Variants in CDKN1C observed in about 807,000 individuals in gnomAD.
CDKN1C encodes cyclin-dependent kinase inhibitor 1C.
A neutral mutation model predicts 16.5 loss-of-function variants in CDKN1C; 7 were observed. That is an observed-to-expected ratio of 0.42 (90% CI 0.24 to 0.80). The LOEUF is 0.80. Among genes scored for constraint, CDKN1C ranks in the 30% least tolerant of loss-of-function variants. The pLI is 0.26. For synonymous variants in CDKN1C, 288 were observed against 214.4 expected, an observed-to-expected ratio of 1.34 and a Z score of -3.00; for missense variants, 429 against 437.3, an observed-to-expected ratio of 0.98 and a Z score of 0.17.
At position 2,885,070 on chromosome 11, in the gene CDKN1C, C is replaced by A; in HGVS notation, c.387G>T (p.Pro129=). ...EEAPEQLPSV[P]VPAPASTPPP... is the part of the protein sequence containing the mutation. ...GCGGGGTGGACGCCGGGGCCGGGAC[C>A]GGGACACTAGGCAGCTGCTCCGGCG... is the stretch of plus-strand genomic sequence containing the variant. Residue 129 remains proline (P), a synonymous_variant, in exon 2 of 4, where the codon CCG becomes CCT. Coordinates refer to ENST00000440480, the MANE Select transcript of CDKN1C (RefSeq NM_001122630.2). 1.5e-6 allele frequency: 2 copies of A among 1,375,856 alleles called. No homozygotes were observed. The highest frequency in any genetic ancestry group is 1.9e-6 in the Non-Finnish European group (2 of 1,074,312). The allele number at this position is 1,375,856 out of a possible 1,614,324, so 85.2% of individuals were successfully genotyped here. A position where few individuals can be genotyped will look rare whatever the true frequency, so the allele number is the denominator to read the frequency against.
Position 2,883,513 on chromosome 11 carries a change from G to C in CDKN1C, c.*408C>G, listed in dbSNP as rs1282386836. On this transcript the variant is annotated 3_prime_UTR_variant, in exon 4 of 4. Transcript: ENST00000440480. ...TTTGGCATAACCAATAACCGAGCTA[G>C]TGCGTGGCAGAGCGGTCCACGCCTG... 3 of 252,828 alleles carry C rather than the reference G, an allele frequency of 1.2e-5. No homozygotes were observed. The highest frequency in any genetic ancestry group is 2.2e-5 in the Non-Finnish European group (3 of 134,400). 15.7% of individuals were successfully genotyped at this position (252,828 alleles called of 1,614,324 possible).
chr11:2,885,574 C>T lies in CDKN1C; in HGVS notation c.-11+60G>A, dbSNP rs143992355. 0.038 allele frequency: 56,264 copies of T among 1,499,538 alleles called. 1,287 individuals carry two copies. Among genetic ancestry groups the T allele is most frequent in the Middle Eastern group, 0.052 (245 of 4,706 alleles). The allele number at this position is 1,499,538 out of a possible 1,614,324, so 92.9% of individuals were successfully genotyped here. A position where few individuals can be genotyped will look rare whatever the true frequency, so the allele number is the denominator to read the frequency against. ...AAGGAGAGGAGGAGAGGGCGGAGGC[C>T]GGGCGCAAGGGAGACCCCGCGCCGC... On this transcript the variant is annotated intron_variant, in intron 1 of 3. Coordinates refer to ENST00000440480, the MANE Select transcript of CDKN1C (RefSeq NM_001122630.2).
In CDKN1C at chr11:2,885,156, C is replaced by G. The variant is rs1378798027; in HGVS notation, c.301G>C (p.Ala101Pro). 2 of 1,523,296 alleles carry G rather than the reference C, an allele frequency of 1.3e-6. No homozygotes were observed. The highest frequency in any genetic ancestry group is 1.4e-5 in the African/African-American group (1 of 71,294). The allele number at this position is 1,523,296 out of a possible 1,614,324, so 94.4% of individuals were successfully genotyped here. A position where few individuals can be genotyped will look rare whatever the true frequency, so the allele number is the denominator to read the frequency against. ...LLLAPRPVAV[A>P]VAVSPPLEPA... is the part of the protein sequence containing the mutation. ...TCGAGGGGCGGGCTGACAGCCACCG[C>G]GACCGCGACGGGCCGCGGCGCCAGC... is the stretch of plus-strand genomic sequence containing the variant. The change falls in exon 2 of 4, where the codon GCG (alanine) becomes CCG (proline). Residue 101 changes from alanine (A) to proline (P), a missense_variant. Transcript: ENST00000440480.
At position 2,884,078 on chromosome 11, in the gene CDKN1C, C is replaced by A; in HGVS notation, c.844G>T (p.Ala282Ser). ...GCGGCGCTTGGAGAGGGACACGGCG[C>A]GGGGACATCGCCCGACGACTTCTCA... is the stretch of plus-strand genomic sequence containing the variant. The part of the protein sequence containing the change: ...APEKSSGDVP[A>S]PCPSPSAAPG... Residue 282 changes from alanine (A) to serine (S), a missense_variant, in exon 3 of 4, where the codon GCG (alanine) becomes TCG (serine). Physicochemically the swap from Ala to Ser is moderately conservative, Grantham distance 99. Coordinates refer to ENST00000440480, the MANE Select transcript of CDKN1C (RefSeq NM_001122630.2). 1 of 1,548,400 alleles carries A rather than the reference C, an allele frequency of 6.5e-7. No individual in the cohort carries two copies. The highest frequency in any genetic ancestry group is 1.4e-5 in the African/African-American group (1 of 72,504).
At position 2,885,142 on chromosome 11, in the gene CDKN1C, G is replaced by A. The variant is rs1489450203; in HGVS notation, c.315C>T (p.Ser105=). 6.6e-7 allele frequency: 1 copy of A among 1,512,180 alleles called. No homozygotes were observed. The highest frequency in any genetic ancestry group is 8.8e-7 in the Non-Finnish European group (1 of 1,137,170). The allele number at this position is 1,512,180 out of a possible 1,614,324, so 93.7% of individuals were successfully genotyped here. The change falls in exon 2 of 4, where the codon AGC becomes AGT. Residue 105 remains serine (S), a synonymous_variant. Transcript: ENST00000440480. ...ACTCAGCGGCCGGCTCGAGGGGCGG[G>A]CTGACAGCCACCGCGACCGCGACGG... ...PRPVAVAVAV[S]PPLEPAAESL... is the part of the protein sequence containing the mutation.
rs1848938256 is a variant in CDKN1C, at chr11:2,884,902, CGCGACT to C, written c.549_554del (p.Val184_Ala185del). ...CCGGGGCCGGGGCTGGGGCCGGGGC[CGCGACT>C]GGAGCCGGGGCCGGAGCCGGAGCCG... is the stretch of plus-strand genomic sequence containing the variant. On this transcript the variant is annotated inframe_deletion, in exon 2 of 4. Coordinates refer to ENST00000440480, the MANE Select transcript of CDKN1C (RefSeq NM_001122630.2). 1 of 880,518 alleles carries C rather than the reference CGCGACT, an allele frequency of 1.1e-6. No homozygotes were observed. The highest frequency in any genetic ancestry group is 1.4e-6 in the Non-Finnish European group (1 of 726,696). The allele number at this position is 880,518 out of a possible 1,614,324, so 54.5% of individuals were successfully genotyped here.
At chr11:2,884,455 G>A in intron 2 of CDKN1C, 1 of 310,740 alleles carries the variant, frequency 3.2e-6, no homozygotes, top group Non-Finnish European at 5.8e-6. Flanking sequence ...TCGCGGCCGG[G>A]ATTCAGCCTC....
rs1060500177 is a variant in CDKN1C, at chr11:2,884,957, A to G, written c.500T>C (p.Leu167Pro). 5.7e-5 allele frequency: 57 copies of G among 1,000,036 alleles called. 1 individual carries two copies. The highest frequency in any genetic ancestry group is 7.9e-4 in the Middle Eastern group (2 of 2,546). The allele number at this position is 1,000,036 out of a possible 1,614,324, so 61.9% of individuals were successfully genotyped here. Residue 167 changes from leucine (L) to proline (P), a missense_variant, in exon 2 of 4, where the codon CTG (leucine) becomes CCG (proline). Leu to Pro is a moderately conservative substitution (Grantham distance 98). Transcript: ENST00000440480. ...CGGAGCCGGGGCCGGGGCCGGGGCCAGGACCGCGACCGCGACCGGAGCCGC... is the reference window on the plus strand; with the variant it reads ...CGGAGCCGGGGCCGGGGCCGGGGCCGGGACCGCGACCGCGACCGGAGCCGC... ...PVAAPVAVAVLAPAPAPAPAP... is the reference protein window; with the variant it reads ...PVAAPVAVAVPAPAPAPAPAP...
Position 2,884,792 on chromosome 11 carries a change from C to T in CDKN1C, c.665G>A (p.Arg222His), listed in dbSNP as rs564726941. The T allele has an allele frequency of 8.8e-6, 13 of 1,481,742 alleles. No homozygotes were observed. Among genetic ancestry groups the T allele is most frequent in the African/African-American group, 1.5e-5 (1 of 68,558 alleles). 91.8% of individuals were successfully genotyped at this position (1,481,742 alleles called of 1,614,324 possible). Reference protein sequence around the residue: ...SAEQGANQGQRGQEPLADQLH... With the variant: ...SAEQGANQGQHGQEPLADQLH... ...CTGGTCAGCGAGAGGCTCCTGGCCG[C>T]GCTGCCCCTGGTTCGCGCCCTGCTC... Residue 222 changes from arginine to histidine, a missense_variant, in exon 2 of 4, where the codon CGC (arginine) becomes CAC (histidine). Physicochemically the swap from Arg to His is conservative, Grantham distance 29. Transcript: ENST00000440480.
chr11:2,885,189 G>C lies in CDKN1C; in HGVS notation c.268C>G (p.Arg90Gly). 6.5e-7 allele frequency: 1 copy of C among 1,533,420 alleles called. No individual in the cohort carries two copies. The highest frequency in any genetic ancestry group is 1.2e-5 in the South Asian group (1 of 83,474). 95.0% of individuals were successfully genotyped at this position (1,533,420 alleles called of 1,614,324 possible). Reference protein sequence around the residue: ...YRETVQVGRCRLLLAPRPVAV... With the variant: ...YRETVQVGRCGLLLAPRPVAV... ...ACGGGCCGCGGCGCCAGCAGCAGGC[G>C]GCAGCGCCCCACCTGCACCGTCTCG... Residue 90 changes from arginine to glycine, a missense_variant, in exon 2 of 4, where the codon CGC becomes GGC. Transcript: ENST00000440480.
chr11:2,884,168 G>A, intron 2 of CDKN1C, 34 bp from the exon 3 acceptor site: 10 of 1,360,424 alleles, frequency 7.4e-6, no homozygotes, highest in Non-Finnish European at 9.5e-6. Context: ...CGGTCAGGGC[G>A]GGGCCGGCCC....
chr11:2,884,509 C>T (rs1162895102), intron 2 of CDKN1C, 161 bp downstream of exon 2: 1 of 371,618 alleles, frequency 2.7e-6, no homozygotes, highest in East Asian at 4.2e-5. Context: ...AACAACGGGG[C>T]GGGGAGGGGG....
In CDKN1C at chr11:2,885,145, G is replaced by A. The variant is rs770277810; in HGVS notation, c.312C>T (p.Val104=). 6.6e-7 allele frequency: 1 copy of A among 1,515,086 alleles called. No homozygotes were observed. Among genetic ancestry groups the A allele is most frequent in the Non-Finnish European group, 8.8e-7 (1 of 1,138,350 alleles). The allele number at this position is 1,515,086 out of a possible 1,614,324, so 93.9% of individuals were successfully genotyped here. A position where few individuals can be genotyped will look rare whatever the true frequency, so the allele number is the denominator to read the frequency against. The stretch of plus-strand genomic sequence containing the variant: ...CAGCGGCCGGCTCGAGGGGCGGGCT[G>A]ACAGCCACCGCGACCGCGACGGGCC... The part of the protein sequence containing the change: ...APRPVAVAVA[V]SPPLEPAAES... Residue 104 remains valine, a synonymous_variant, in exon 2 of 4, where the codon GTC becomes GTT. Transcript: ENST00000440480.
chr11:2,885,694 C>T lies in CDKN1C; in HGVS notation c.-71G>A, dbSNP rs1369737817. 1 of 630,436 alleles carries T rather than the reference C, an allele frequency of 1.6e-6. No homozygotes were observed. Among genetic ancestry groups the T allele is most frequent in the South Asian group, 1.9e-5 (1 of 51,630 alleles). The allele number at this position is 630,436 out of a possible 1,614,324, so 39.1% of individuals were successfully genotyped here. A position where few individuals can be genotyped will look rare whatever the true frequency, so the allele number is the denominator to read the frequency against. On this transcript the variant is annotated 5_prime_UTR_variant, in exon 1 of 4. Transcript: ENST00000440480. ...TCGCCTGTCTCGTCCGGACGGCAGCCGCGCCCCCTCGATGCCTGCTGGCTA... is the reference window on the plus strand; with the variant it reads ...TCGCCTGTCTCGTCCGGACGGCAGCTGCGCCCCCTCGATGCCTGCTGGCTA...
chr11:2,885,670 C>T lies in CDKN1C; in HGVS notation c.-47G>A, dbSNP rs1231313800. ...GTGGTGGACTCTTCTGCGTCGGGTT[C>T]GCCTGTCTCGTCCGGACGGCAGCCG... On this transcript the variant is annotated 5_prime_UTR_variant, in exon 1 of 4. Coordinates refer to ENST00000440480, the MANE Select transcript of CDKN1C (RefSeq NM_001122630.2). The T allele has an allele frequency of 5.5e-6, 4 of 727,212 alleles. No individual in the cohort carries two copies. Among genetic ancestry groups the T allele is most frequent in the South Asian group, 3.7e-5 (2 of 54,634 alleles). 45.0% of individuals were successfully genotyped at this position (727,212 alleles called of 1,614,324 possible).
chr11:2,884,167 CG>C, intron 2 of CDKN1C, 33 bp from the exon 3 acceptor site: 1 of 1,359,880 alleles, frequency 7.4e-7, no homozygotes. Flanking sequence ...CCGGTCAGGG[CG>C]GGGCCGGCCC....
At position 2,885,767 on chromosome 11, in the gene CDKN1C, G is replaced by C. The variant is rs1262042448; in HGVS notation, c.-144C>G. The C allele has an allele frequency of 9.1e-6, 5 of 551,258 alleles. No individual in the cohort carries two copies. The highest frequency in any genetic ancestry group is 1.6e-5 in the Non-Finnish European group (5 of 311,798). 34.1% of individuals were successfully genotyped at this position (551,258 alleles called of 1,614,324 possible). A position where few individuals can be genotyped will look rare whatever the true frequency, so the allele number is the denominator to read the frequency against. On this transcript the variant is annotated 5_prime_UTR_variant, in exon 1 of 4. Transcript: ENST00000440480. ...GGCACCCCTCGAGCACAGCGCACTT[G>C]GCCTGTGGAACGCCCAGCCCGCCTG...
Position 2,883,809 on chromosome 11 carries a change from G to C in CDKN1C, c.*112C>G. The C allele has an allele frequency of 1.3e-6, 2 of 1,519,432 alleles. No individual in the cohort carries two copies. Among genetic ancestry groups the C allele is most frequent in the South Asian group, 2.5e-5 (2 of 80,984 alleles). The allele number at this position is 1,519,432 out of a possible 1,614,324, so 94.1% of individuals were successfully genotyped here. A position where few individuals can be genotyped will look rare whatever the true frequency, so the allele number is the denominator to read the frequency against. On this transcript the variant is annotated 3_prime_UTR_variant, in exon 4 of 4. Coordinates refer to ENST00000440480, the MANE Select transcript of CDKN1C (RefSeq NM_001122630.2). ...AAAACAAAACCGAACGCTGCTCTGC[G>C]GCAGCCGCCGCCGGTTGCTGCTACA...
chr11:2,884,737 C>A lies in CDKN1C; in HGVS notation c.720G>T (p.Ala240=). The A allele has an allele frequency of 6.6e-7, 1 of 1,509,416 alleles. No homozygotes were observed. Among genetic ancestry groups the A allele is most frequent in the Non-Finnish European group, 8.8e-7 (1 of 1,133,034 alleles). 93.5% of individuals were successfully genotyped at this position (1,509,416 alleles called of 1,614,324 possible). ...QLHSGISGRP[A]AGTAAASANG... is the part of the protein sequence containing the mutation. Reference sequence around the variant, plus strand: ...TGGCGCTGGCGGCCGCGGTGCCGGCCGCGGGACGTCCCGAAATCCCCGAGT... The same window carrying A: ...TGGCGCTGGCGGCCGCGGTGCCGGCAGCGGGACGTCCCGAAATCCCCGAGT... Residue 240 remains alanine, a synonymous_variant, in exon 2 of 4, where the codon GCG becomes GCT. Coordinates refer to ENST00000440480, the MANE Select transcript of CDKN1C (RefSeq NM_001122630.2).
Sources: gnomAD v4.1 joint callset for allele counts on GRCh38, gnomAD v4.1.1 for gene constraint, MANE v1.5 for transcripts, NCBI Gene and HGNC (gene_info 2026-07-23, HGNC 2026-07-21) for gene names.